SETDB2: variants seen among roughly 807,000 people sequenced by gnomAD.
SETDB2 encodes SET domain bifurcated histone lysine methyltransferase 2.
Under a neutral mutation model 82.5 loss-of-function variants are expected in SETDB2, and 56 were observed. That is an observed-to-expected ratio of 0.68 (90% CI 0.55 to 0.85). The LOEUF is 0.85. Ranked by LOEUF, SETDB2 falls within the 40% of genes least tolerant of loss-of-function variation. The pLI, the probability that SETDB2 is intolerant of heterozygous loss-of-function variation, is 0.00. For synonymous variants in SETDB2, 272 were observed against 284.9 expected (o/e 0.95, Z 0.46); for missense variants, 677 against 816.4 (o/e 0.83, Z 2.08).
chr13:49,470,119 C>A (rs376694520), intron 5 of SETDB2, among the ~76,000 whole-genome samples: 1 of 152,118 alleles, frequency 6.6e-6, no homozygotes, highest in African/African-American at 2.4e-5. Flanking sequence ...TTTAAAAATC[C>A]GAGCTTCCAA....
At chr13:49,477,757 G>A (rs1958398841) in intron 6 of SETDB2, among the ~76,000 whole-genome samples, 1 of 152,178 alleles carries the variant, frequency 6.6e-6, no homozygotes, top group African/African-American at 2.4e-5. Flanking sequence ...ATTTGGAGAG[G>A]TCATAGAACA....
intron 6 of SETDB2, 144 bp downstream of exon 6, chr13:49,477,183 C>T: frequency 1.3e-6 from 1 of 743,966 alleles, no homozygotes. Context: ...CGTGTGTAAT[C>T]CCAGCACTTT....
At chr13:49,469,896 A>G (rs1958192639) in intron 5 of SETDB2, among the ~76,000 whole-genome samples, 1 of 152,168 alleles carries the variant, frequency 6.6e-6, no homozygotes, top group Non-Finnish European at 1.5e-5. Context: ...TGTTTTTGAG[A>G]AACTCTTCCT....
chr13:49,464,877 C>T (rs1400848337), intron 4 of SETDB2, among the ~76,000 whole-genome samples: 1 of 151,662 alleles, frequency 6.6e-6, no homozygotes, highest in Non-Finnish European at 1.5e-5. Flanking sequence ...ACCTGGGCAA[C>T]ACAGTGAGAC....
intron 1 of SETDB2, among the ~76,000 whole-genome samples, chr13:49,448,971 G>C (rs575193578): frequency 6.6e-6 from 1 of 152,226 alleles, no homozygotes; most frequent in South Asian, 2.1e-4. Flanking sequence ...TAAAATATTT[G>C]TGTCTTTTAT....
At chr13:49,472,636 A>T (rs888905907) in intron 5 of SETDB2, among the ~76,000 whole-genome samples, 3 of 151,988 alleles carry the variant, frequency 2.0e-5, no homozygotes, top group Non-Finnish European at 4.4e-5. Flanking sequence ...CTCTCCATAA[A>T]ATTGGGATGA....
chr13:49,458,834 G>A (rs1026030674), intron 2 of SETDB2, among the ~76,000 whole-genome samples: 3 of 152,214 alleles, frequency 2.0e-5, no homozygotes, highest in African/African-American at 4.8e-5. Flanking sequence ...GATCATTCAT[G>A]ACTCCTCCCA....
At chr13:49,452,802 T>C (rs1023131909) in intron 2 of SETDB2, among the ~76,000 whole-genome samples, 2 of 152,168 alleles carry the variant, frequency 1.3e-5, no homozygotes, top group African/African-American at 4.8e-5. Flanking sequence ...TTTCCATAAT[T>C]TGACTGGAGC....
chr13:49,494,180 T>A lies in SETDB2; in HGVS notation c.*2331T>A, dbSNP rs1958763306. 2 of 152,230 alleles carry A rather than the reference T, an allele frequency of 1.3e-5. No individual in the cohort carries two copies. The highest frequency in any genetic ancestry group is 1.3e-4 in the Admixed American group (2 of 15,288). The allele number at this position is 152,230 out of a possible 1,614,324, so 9.4% of individuals were successfully genotyped here. ...ATTTTTCTAGTCTCATATTGTCTCA[T>A]ATTTTTAATTTCTAAGAGCTCCCCT... On this transcript the variant is annotated 3_prime_UTR_variant, in exon 14 of 14. Transcript: ENST00000611815.
At chr13:49,469,143 C>T (rs192687215) in intron 5 of SETDB2, among the ~76,000 whole-genome samples, 27 of 151,944 alleles carry the variant, frequency 1.8e-4, no homozygotes, top group Admixed American at 1.0e-3. Context: ...ATTTTTTGTC[C>T]CTTTTAGCTT....
chr13:49,464,966 T>C (rs1958072682), intron 4 of SETDB2, among the ~76,000 whole-genome samples: 1 of 151,812 alleles, frequency 6.6e-6, no homozygotes, highest in Non-Finnish European at 1.5e-5. Context: ...CTCAAGAGGC[T>C]GCAGTGGGAG....
intron 4 of SETDB2, among the ~76,000 whole-genome samples, chr13:49,466,811 C>CTTTTTTTT (rs3039228): frequency 1.7e-5 from 2 of 116,764 alleles, no homozygotes; most frequent in Non-Finnish European, 3.4e-5. Context: ...GCCTGGCTAA[C>CTTTTTTTT]TTTTTTTTTT....
chr13:49,490,973 C>A, intron 13 of SETDB2, 63 bp downstream of exon 13: 1 of 1,346,824 alleles, frequency 7.4e-7, no homozygotes, highest in South Asian at 1.2e-5. Flanking sequence ...CAATAGAGGG[C>A]TGAGTGCTGT....
chr13:49,471,406 G>T (rs1958238610), intron 5 of SETDB2, among the ~76,000 whole-genome samples: 1 of 148,104 alleles, frequency 6.8e-6, no homozygotes, highest in Admixed American at 6.8e-5. Context: ...TGTGATTTTA[G>T]AAGTCTGAAT....
intron 13 of SETDB2, among the ~76,000 whole-genome samples, chr13:49,491,204 A>C (rs1380022961): frequency 6.6e-6 from 1 of 152,204 alleles, no homozygotes; most frequent in Non-Finnish European, 1.5e-5. Flanking sequence ...AAAAATGATA[A>C]TTATAATAGA....
chr13:49,459,937 C>T, intron 2 of SETDB2, 170 bp from the exon 3 acceptor site: 1 of 585,926 alleles, frequency 1.7e-6, no homozygotes, highest in East Asian at 3.1e-5. Context: ...CATATTGTTT[C>T]TAGCTCTTTG....
chr13:49,491,274 A>G (rs1316485913), intron 13 of SETDB2, among the ~76,000 whole-genome samples: 4 of 152,248 alleles, frequency 2.6e-5, no homozygotes, highest in Admixed American at 1.3e-4. Context: ...AGAATATTCA[A>G]TTATCCTAAA....
rs572795633 is a variant in SETDB2 at position 49,494,402 on chromosome 13, G to C, written c.*2553G>C. On this transcript the variant is annotated 3_prime_UTR_variant, in exon 14 of 14. Coordinates refer to ENST00000611815, the MANE Select transcript of SETDB2 (RefSeq NM_001160308.3). ...GTTTCTTTGTTTCCCCTGTATGTTTGTTTTGGTCGTTCACATTATAGGCTT... is the reference window on the plus strand; with the variant it reads ...GTTTCTTTGTTTCCCCTGTATGTTTCTTTTGGTCGTTCACATTATAGGCTT... 7.2e-5 allele frequency: 11 copies of C among 152,092 alleles called. No homozygotes were observed. Among genetic ancestry groups the C allele is most frequent in the Non-Finnish European group, 1.6e-4 (11 of 68,014 alleles). 9.4% of individuals were successfully genotyped at this position (152,092 alleles called of 1,614,324 possible).
intron 4 of SETDB2, among the ~76,000 whole-genome samples, chr13:49,465,008 G>C (rs1029472356): frequency 1.3e-5 from 2 of 152,012 alleles, no homozygotes; most frequent in African/African-American, 4.8e-5. Context: ...CAAGTCTGCA[G>C]TGAGCTGGGA....
Sources: gnomAD v4.1 joint callset for allele counts (sites outside exome capture counted in the v4.1 genomes callset) on GRCh38, gnomAD v4.1.1 for gene constraint, MANE v1.5 for transcripts, NCBI Gene and HGNC (gene_info 2026-07-23, HGNC 2026-07-21) for gene names.